SBF2: variants seen among roughly 807,000 people sequenced by gnomAD.
SBF2 encodes the protein SET binding factor 2.
Under a neutral mutation model 225.2 loss-of-function variants are expected in SBF2, and 112 were observed. The observed-to-expected ratio is 0.50, with a 90% CI of 0.43 to 0.58. SBF2 has a LOEUF of 0.58. Ranked by LOEUF, SBF2 falls within the 20% of genes least tolerant of loss-of-function variation. The probability of loss-of-function intolerance (pLI) is 0.00; values close to 1 mark genes in which losing one functional copy is unlikely to be tolerated. For missense variants in SBF2, 1,996 were observed against 2,206.2 expected (o/e 0.90, Z 1.91); for synonymous variants, 763 against 773.3 (o/e 0.99, Z 0.22).
intron 25 of SBF2, among the ~76,000 whole-genome samples, chr11:9,841,060 T>C (rs1000587729): frequency 6.6e-6 from 1 of 152,154 alleles, no homozygotes; most frequent in Non-Finnish European, 1.5e-5. Context: ...TTTTTGAAAA[T>C]GTACTCAAAG....
intron 1 of SBF2, among the ~76,000 whole-genome samples, chr11:10,247,777 T>A (rs539895129): frequency 6.6e-6 from 1 of 152,046 alleles, no homozygotes; most frequent in East Asian, 1.9e-4. Context: ...ACAACAATCA[T>A]CCTCCTCACA....
intron 28 of SBF2, among the ~76,000 whole-genome samples, chr11:9,825,205 G>T (rs1854997814): frequency 6.6e-6 from 1 of 152,116 alleles, no homozygotes; most frequent in Admixed American, 6.5e-5. Context: ...TATAAAAGGA[G>T]AAATTTGGAG....
intron 6 of SBF2, among the ~76,000 whole-genome samples, chr11:10,005,067 G>C (rs893035305): frequency 2.0e-5 from 3 of 152,176 alleles, no homozygotes; most frequent in African/African-American, 7.2e-5. Context: ...TTATTAAACT[G>C]TCTCTCTAAA....
intron 1 of SBF2, among the ~76,000 whole-genome samples, chr11:10,219,340 C>A (rs1342074330): frequency 6.6e-6 from 1 of 152,198 alleles, no homozygotes; most frequent in African/African-American, 2.4e-5. Flanking sequence ...TTAGCCATGG[C>A]TGGAGTGGCT....
At chr11:9,898,566 G>A (rs750514708) in intron 16 of SBF2, among the ~76,000 whole-genome samples, 1 of 152,136 alleles carries the variant, frequency 6.6e-6, no homozygotes, top group Admixed American at 6.5e-5. Flanking sequence ...AGCTACTCAG[G>A]AGGCTGAGGC....
At chr11:10,204,479 A>T (rs1009035048) in intron 1 of SBF2, among the ~76,000 whole-genome samples, 13 of 151,936 alleles carry the variant, frequency 8.6e-5, no homozygotes, top group African/African-American at 2.9e-4. Context: ...TCTCTACTAA[A>T]AACACAAAAA....
Position 10,236,345 on chromosome 11 carries a change from C to T in SBF2, c.56-42358G>A, listed in dbSNP as rs111231962. On this transcript the variant is annotated intron_variant, in intron 1 of 39. Transcript: ENST00000256190. ...GGTATAGTAGTATGCATATGCAGTC[C>T]CAGCTACTCAAGAGATTGACGGTGG... Among the ~76,000 whole-genome samples the T allele has an allele frequency of 1.0e-3, 155 of 152,164 alleles. 1 individual carries two copies. The highest frequency in any genetic ancestry group is 3.3e-3 in the South Asian group (16 of 4,814).
intron 1 of SBF2, among the ~76,000 whole-genome samples, chr11:10,208,913 T>C (rs1242063701): frequency 6.6e-6 from 1 of 152,286 alleles, no homozygotes; most frequent in Middle Eastern, 3.4e-3. Flanking sequence ...TTCTTCCAAT[T>C]GCAGATAAGA....
At chr11:10,048,925 C>G (rs957849424) in intron 2 of SBF2, among the ~76,000 whole-genome samples, 1 of 152,122 alleles carries the variant, frequency 6.6e-6, no homozygotes, top group Non-Finnish European at 1.5e-5. Flanking sequence ...GATGTGGTTA[C>G]AAATTCCACA....
intron 16 of SBF2, among the ~76,000 whole-genome samples, chr11:9,921,202 A>C (rs7931918): frequency 0.99 from 150,377 of 151,908 alleles, 74,449 homozygotes; most frequent in Middle Eastern, 1. Context: ...TCCCAAGTAG[A>C]TGGGATTACA....
In SBF2 at chr11:10,286,322, A is replaced by G. The variant is rs1343252171; in HGVS notation, c.55+7693T>C. 3.3e-5 allele frequency among the ~76,000 whole-genome samples: 5 copies of G among 151,670 alleles called. No homozygotes were observed. In the South Asian group the frequency reaches 6.2e-4, roughly 19 times the overall value. ...ATTTTTATTTGTAAATTATATCTCA[A>G]TAAAGCTAGAGGAAGTTTTTGTTCT... On this transcript the variant is annotated intron_variant, in intron 1 of 39. Coordinates refer to ENST00000256190, the MANE Select transcript of SBF2 (RefSeq NM_030962.4).
intron 26 of SBF2, chr11:9,839,137 A>G (rs1855926571): frequency 6.3e-6 from 2 of 316,816 alleles, no homozygotes; most frequent in South Asian, 5.9e-5. Context: ...CCCTTTATAG[A>G]AAGAGTTTGT....
chr11:10,294,421 C>A (rs1358608095), upstream of SBF2, among the ~76,000 whole-genome samples: 2 of 152,216 alleles, frequency 1.3e-5, no homozygotes, highest in African/African-American at 2.4e-5. Flanking sequence ...GGCCTGGATG[C>A]TGCTTCACGG....
intron 2 of SBF2, among the ~76,000 whole-genome samples, chr11:10,135,371 AT>A (rs1295246105): frequency 6.6e-6 from 1 of 152,210 alleles, no homozygotes; most frequent in African/African-American, 2.4e-5. Context: ...GGCCTTGGCA[AT>A]TAACATTTGG....
intron 2 of SBF2, among the ~76,000 whole-genome samples, chr11:10,077,813 T>G (rs1021534828): frequency 2.0e-5 from 3 of 152,226 alleles, no homozygotes; most frequent in African/African-American, 7.2e-5. Flanking sequence ...AAAGAGCTTC[T>G]GCACAGCAAA....
At chr11:10,201,290 C>A (rs978458777) in intron 1 of SBF2, among the ~76,000 whole-genome samples, 2 of 152,118 alleles carry the variant, frequency 1.3e-5, no homozygotes, top group African/African-American at 4.8e-5. Context: ...TGCTTTTGAG[C>A]AAATGATTTT....
chr11:9,797,843 C>T (rs12420712), intron 32 of SBF2, among the ~76,000 whole-genome samples: 32,573 of 151,962 alleles, frequency 0.21, 4,289 homozygotes, highest in Non-Finnish European at 0.28. Flanking sequence ...TGTGGTGGCA[C>T]GTGCCTGTAG....
chr11:9,996,829 C>T (rs1460376438), intron 9 of SBF2, among the ~76,000 whole-genome samples: 1 of 152,198 alleles, frequency 6.6e-6, no homozygotes, highest in African/African-American at 2.4e-5. Flanking sequence ...CCCAAATCAT[C>T]ACCATGCTTC....
intron 16 of SBF2, among the ~76,000 whole-genome samples, chr11:9,933,083 C>G (rs1050618344): frequency 2.7e-5 from 4 of 147,074 alleles, no homozygotes; most frequent in East Asian, 2.1e-4. Context: ...TAATGGTAAA[C>G]AGATCAATTC....
Sources: allele counts gnomAD v4.1 joint callset (sites outside exome capture counted in the v4.1 genomes callset), GRCh38; gene constraint gnomAD v4.1.1; transcripts MANE v1.5; gene names NCBI Gene and HGNC (gene_info 2026-07-23, HGNC 2026-07-21).